The following ITPRID2 variants were observed in gnomAD, a reference collection of about 807,000 sequenced individuals.
The protein encoded by ITPRID2 is ITPR interacting domain containing 2.
In ITPRID2, 60 loss-of-function variants were observed where a neutral mutation model predicts 124.3. That is an observed-to-expected ratio of 0.48 (90% CI 0.39 to 0.60). The LOEUF (loss-of-function observed/expected upper bound fraction) is 0.60. Among genes scored for constraint, ITPRID2 ranks in the 20% least tolerant of loss-of-function variants. The probability of loss-of-function intolerance (pLI) is 0.00; values close to 1 mark genes in which losing one functional copy is unlikely to be tolerated. For synonymous variants in ITPRID2, 521 were observed against 542.9 expected, an observed-to-expected ratio of 0.96 and a Z score of 0.56; for missense variants, 1,553 against 1,512.2, an observed-to-expected ratio of 1.03 and a Z score of -0.45.
chr2:181,911,705 G>A (rs190463733), intron 9 of ITPRID2, among the ~76,000 whole-genome samples: 446 of 152,276 alleles, frequency 2.9e-3, no homozygotes, highest in Non-Finnish European at 5.3e-3. Flanking sequence ...GGAAACAGAA[G>A]TGTCTGACTA....
chr2:181,908,957 G>A (rs1204244106), intron 8 of ITPRID2, among the ~76,000 whole-genome samples: 1 of 151,978 alleles, frequency 6.6e-6, no homozygotes, highest in Non-Finnish European at 1.5e-5. Context: ...AGAGTAAAGT[G>A]ACAGAAATTA....
intron 8 of ITPRID2, among the ~76,000 whole-genome samples, chr2:181,906,766 C>A (rs764968354): frequency 6.6e-6 from 1 of 151,662 alleles, no homozygotes; most frequent in Non-Finnish European, 1.5e-5. Context: ...AAAAAAAATA[C>A]GGATATTTAT....
chr2:181,904,930 G>T (rs747117322), intron 8 of ITPRID2, among the ~76,000 whole-genome samples: 8 of 152,162 alleles, frequency 5.3e-5, no homozygotes, highest in South Asian at 2.1e-4. Flanking sequence ...CTGGTACAAT[G>T]AAGTGTCTGT....
At chr2:181,921,219 T>G (rs1404393479) in intron 15 of ITPRID2, among the ~76,000 whole-genome samples, 1 of 151,996 alleles carries the variant, frequency 6.6e-6, no homozygotes, top group Non-Finnish European at 1.5e-5. Context: ...GGCTCATGCC[T>G]GTAATCCCAG....
intron 4 of ITPRID2, among the ~76,000 whole-genome samples, chr2:181,897,771 A>G (rs966485373): frequency 6.6e-6 from 1 of 152,004 alleles, no homozygotes; most frequent in Non-Finnish European, 1.5e-5. Context: ...TATACATTGA[A>G]TTTAATATTC....
At chr2:181,921,089 C>T (rs990620939) in intron 15 of ITPRID2, among the ~76,000 whole-genome samples, 2 of 152,108 alleles carry the variant, frequency 1.3e-5, no homozygotes, top group Non-Finnish European at 2.9e-5. Flanking sequence ...GAGGCTGAGG[C>T]GGGAGGATTG....
Position 181,891,922 on chromosome 2 carries a change from T to A in ITPRID2, c.-145T>A. ...CTTCCCTCCCTCCCTCCCTGTCCCCTCCTCCTCCTCCTCCTCCTCCGGCGC... is the reference window on the plus strand; with the variant it reads ...CTTCCCTCCCTCCCTCCCTGTCCCCACCTCCTCCTCCTCCTCCTCCGGCGC... On this transcript the variant is annotated 5_prime_UTR_variant, in exon 1 of 18. Transcript: ENST00000431877. 1.1e-4 allele frequency: 20 copies of A among 186,236 alleles called. No homozygotes were observed. Among genetic ancestry groups the A allele is most frequent in the East Asian group, 5.7e-4 (3 of 5,300 alleles). 11.5% of individuals were successfully genotyped at this position (186,236 alleles called of 1,614,324 possible).
In ITPRID2 at chr2:181,918,772, C is replaced by T. The variant is rs539595168; in HGVS notation, c.2883C>T (p.Leu961=). ...CATTCTAGAATACTTTTCAGGAGCT[C>T]CAGGTAATGAGGCGGAGCCTGAATT... ...LPLYENTFQE[L]QVMRRSLNLF... Residue 961 remains leucine, a synonymous_variant, in exon 13 of 18, where the codon CTC becomes CTT. Transcript: ENST00000431877. 6.2e-7 allele frequency: 1 copy of T among 1,613,902 alleles called. No homozygotes were observed. Among genetic ancestry groups the T allele is most frequent in the African/African-American group, 1.3e-5 (1 of 75,008 alleles).
Position 181,899,082 on chromosome 2 carries a change from G to T in ITPRID2, c.473G>T (p.Gly158Val). The change falls in exon 6 of 18, where the codon GGA (glycine) becomes GTA (valine). Residue 158 changes from glycine to valine, a missense_variant. Coordinates refer to ENST00000431877, the MANE Select transcript of ITPRID2 (RefSeq NM_001130445.3). ...HQKGRSMNST[G>V]SGKSSGTVSS... ...AAAGGGAGAAGTATGAATTCCACTG[G>T]ATCTGGGAAAAGTAGTGGGACAGTT... 6.2e-7 allele frequency: 1 copy of T among 1,610,364 alleles called. No homozygotes were observed. The highest frequency in any genetic ancestry group is 8.5e-7 in the Non-Finnish European group (1 of 1,178,874).
At position 181,918,691 on chromosome 2, in the gene ITPRID2, C is replaced by T. The variant is rs1306665295; in HGVS notation, c.2865+16C>T. 1.9e-6 allele frequency: 3 copies of T among 1,613,776 alleles called. No homozygotes were observed. Among genetic ancestry groups the T allele is most frequent in the Non-Finnish European group, 2.5e-6 (3 of 1,179,828 alleles). On this transcript the variant is annotated intron_variant, in intron 12 of 17. Transcript: ENST00000431877. ...TCTTTATGAAGTAAGTTCTTTCTTA[C>T]ATCTTTGTGTTCCAAAATAATTTGT... is the stretch of plus-strand genomic sequence containing the variant.
At chr2:181,920,788 T>G (rs1018101761) in intron 15 of ITPRID2, 126 bp downstream of exon 15, 1 of 769,884 alleles carries the variant, frequency 1.3e-6, no homozygotes. Flanking sequence ...TATTGTTGAT[T>G]GGAAGTGACT....
At chr2:181,928,052 T>G in intron 16 of ITPRID2, 109 bp from the exon 17 acceptor site, 1 of 690,232 alleles carries the variant, frequency 1.4e-6, no homozygotes, top group Non-Finnish European at 2.4e-6. Flanking sequence ...GAGATTCACA[T>G]GAAGGTGAAA....
intron 2 of ITPRID2, chr2:181,894,304 C>T (rs547819113): frequency 6.6e-6 from 1 of 152,246 alleles, no homozygotes; most frequent in South Asian, 2.1e-4. Context: ...CACAGTCAAT[C>T]CCTGACAATT....
chr2:181,892,691 G>A lies in ITPRID2; in HGVS notation c.257+31G>A, dbSNP rs374233686. 1 of 1,613,660 alleles carries A rather than the reference G, an allele frequency of 6.2e-7. No homozygotes were observed. The highest frequency in any genetic ancestry group is 1.7e-5 in the Admixed American group (1 of 60,026). ...TGCTCCCTGGTCCGCCCGCGTCCCG[G>A]GGGAGATCCGTGCGGACGGGACGCC... On this transcript the variant is annotated intron_variant, in intron 2 of 17. Coordinates refer to ENST00000431877, the MANE Select transcript of ITPRID2 (RefSeq NM_001130445.3). The surrounding 1 kb of genome is among the most constrained non-coding windows in gnomAD (Gnocchi z 5.2).
chr2:181,913,424 A>G (rs1007726805), intron 9 of ITPRID2, among the ~76,000 whole-genome samples: 2 of 152,178 alleles, frequency 1.3e-5, no homozygotes, highest in Non-Finnish European at 2.9e-5. Flanking sequence ...TATGCTCTCT[A>G]TATGAACTTC....
At chr2:181,897,967 G>A (rs555503467) in intron 4 of ITPRID2, among the ~76,000 whole-genome samples, 1 of 151,972 alleles carries the variant, frequency 6.6e-6, no homozygotes, top group Non-Finnish European at 1.5e-5. Context: ...TTGTCAATCC[G>A]TTATTAAAAT....
In ITPRID2 at chr2:181,920,607, G is replaced by T; in HGVS notation, c.3155G>T (p.Gly1052Val). Residue 1052 changes from glycine (G) to valine (V), a missense_variant, in exon 15 of 18, where the codon GGC becomes GTC. Physicochemically the swap from Gly to Val is moderately radical, Grantham distance 109. Coordinates refer to ENST00000431877, the MANE Select transcript of ITPRID2 (RefSeq NM_001130445.3). ...TTCTTACCTTTTCAGGGAATGTGTG[G>T]CAGTAGAAGCGCTGATAACTTGTCA... ...FRSSALMGMC[G>V]SRSADNLSCP... is the part of the protein sequence containing the mutation. The T allele has an allele frequency of 6.2e-7, 1 of 1,612,806 alleles. No individual in the cohort carries two copies. Among genetic ancestry groups the T allele is most frequent in the Non-Finnish European group, 8.5e-7 (1 of 1,179,220 alleles).
chr2:181,917,540 T>C (rs1438060142), intron 11 of ITPRID2: 1 of 152,242 alleles, frequency 6.6e-6, no homozygotes, highest in Non-Finnish European at 1.5e-5. Flanking sequence ...GTGGTGCATC[T>C]TTCTAGGCCA....
chr2:181,898,331 A>G (rs1238806469), intron 4 of ITPRID2, among the ~76,000 whole-genome samples: 1 of 152,038 alleles, frequency 6.6e-6, no homozygotes, highest in African/African-American at 2.4e-5. Context: ...ACTTTAAGCT[A>G]AAGTTCTATC....
Sources: allele counts gnomAD v4.1 joint callset (sites outside exome capture counted in the v4.1 genomes callset), GRCh38; gene constraint gnomAD v4.1.1; non-coding constraint Gnocchi (gnomAD v3.1); transcripts MANE v1.5; gene names NCBI Gene and HGNC (gene_info 2026-07-23, HGNC 2026-07-21).